The following RRM1 variants were observed in gnomAD, a reference collection of about 807,000 sequenced individuals.
RRM1 encodes ribonucleotide reductase catalytic subunit M1.
Under a neutral mutation model 101.5 loss-of-function variants are expected in RRM1, and 19 were observed. The observed-to-expected ratio is 0.19, with a 90% CI of 0.13 to 0.27. The LOEUF is 0.27. Ranked by LOEUF, RRM1 falls within the 10% of genes least tolerant of loss-of-function variation. RRM1 has a pLI of 1.00. For synonymous variants in RRM1, 298 were observed against 323.4 expected, an observed-to-expected ratio of 0.92 and a Z score of 0.84; for missense variants, 500 against 962.9, an observed-to-expected ratio of 0.52 and a Z score of 6.36.
intron 2 of RRM1, 84 bp downstream of exon 2, chr11:4,102,165 C>T: frequency 1.3e-6 from 1 of 740,862 alleles, no homozygotes; most frequent in African/African-American, 1.8e-5. Flanking sequence ...CTTCATTCAC[C>T]TGATATACTT....
intron 12 of RRM1, among the ~76,000 whole-genome samples, chr11:4,123,951 A>G (rs968704569): frequency 6.6e-6 from 1 of 152,222 alleles, no homozygotes; most frequent in Admixed American, 6.5e-5. Context: ...TAGAAATGGG[A>G]CATGGATTTG....
intron 11 of RRM1, 33 bp downstream of exon 11, chr11:4,122,253 T>C (rs1565186270): frequency 7.0e-7 from 1 of 1,435,572 alleles, no homozygotes; most frequent in Non-Finnish European, 9.8e-7. Flanking sequence ...AACAATAATG[T>C]TTTAATCATG....
chr11:4,096,085 G>T (rs1403748063), intron 1 of RRM1, among the ~76,000 whole-genome samples: 1 of 152,162 alleles, frequency 6.6e-6, no homozygotes, highest in Non-Finnish European at 1.5e-5. Context: ...GAATGCAGTG[G>T]TGTAATCATA....
At chr11:4,105,772 C>T in intron 2 of RRM1, 1 of 406,830 alleles carries the variant, frequency 2.5e-6, no homozygotes, top group Non-Finnish European at 4.5e-6. Flanking sequence ...CCTAGCTTGC[C>T]CAGGCTGGTC....
Position 4,122,133 on chromosome 11 carries a change from C to A in RRM1, c.1039-8C>A. 1 of 1,606,848 alleles carries A rather than the reference C, an allele frequency of 6.2e-7. No homozygotes were observed. The highest frequency in any genetic ancestry group is 8.5e-7 in the Non-Finnish European group (1 of 1,176,266). On this transcript the variant is annotated splice_region_variant and splice_polypyrimidine_tract_variant and intron_variant, in intron 10 of 18. Transcript: ENST00000300738. ...TTCTTATGAGTGATTTTGTCCTTTCCTTTTTAGGACTGGTCTTTGATGTGT... is the reference window on the plus strand; with the variant it reads ...TTCTTATGAGTGATTTTGTCCTTTCATTTTTAGGACTGGTCTTTGATGTGT...
chr11:4,132,944 C>T lies in RRM1; in HGVS notation c.1905+523C>T, dbSNP rs150019213. On this transcript the variant is annotated intron_variant, in intron 16 of 18. Transcript: ENST00000300738. This position sits in a 1 kb window ranked among gnomAD's most constrained non-coding sequence, Gnocchi z 4.1. Reference sequence around the variant, plus strand: ...TCTTGAAGTAAAGTTCTGTAAAGTTCGAGAAGGATACGTTTCCAATTTTTT... The same window carrying T: ...TCTTGAAGTAAAGTTCTGTAAAGTTTGAGAAGGATACGTTTCCAATTTTTT... Among the ~76,000 whole-genome samples, 1,262 of 152,160 alleles carry T rather than the reference C, an allele frequency of 8.3e-3. 10 individuals are homozygous for T. Among genetic ancestry groups the T allele is most frequent in the Non-Finnish European group, 0.015 (990 of 67,986 alleles).
chr11:4,100,314 A>T (rs192761251), intron 1 of RRM1, among the ~76,000 whole-genome samples: 9 of 152,356 alleles, frequency 5.9e-5, no homozygotes, highest in African/African-American at 1.9e-4. Context: ...CATATTTAGC[A>T]TGTTTCTTAT....
chr11:4,138,875 G>A lies in RRM1; in HGVS notation c.*492G>A, dbSNP rs148224418. ...GAAATAAAGATAAACATTTCTAAGTGATTGTATGAGATTAATTTTGTCATT... is the reference window on the plus strand; with the variant it reads ...GAAATAAAGATAAACATTTCTAAGTAATTGTATGAGATTAATTTTGTCATT... On this transcript the variant is annotated 3_prime_UTR_variant, in exon 19 of 19. Transcript: ENST00000300738. The A allele has an allele frequency of 5.5e-6, 1 of 183,264 alleles. No homozygotes were observed. Among genetic ancestry groups the A allele is most frequent in the East Asian group, 9.0e-5 (1 of 11,134 alleles). The allele number at this position is 183,264 out of a possible 1,614,324, so 11.4% of individuals were successfully genotyped here.
At chr11:4,096,160 G>A (rs865958918) in intron 1 of RRM1, among the ~76,000 whole-genome samples, 9 of 152,080 alleles carry the variant, frequency 5.9e-5, no homozygotes, top group Admixed American at 1.3e-4. Context: ...CAAGTAGCTG[G>A]GACTATAGGC....
At chr11:4,128,951 T>C in intron 14 of RRM1, 123 bp from the exon 15 acceptor site, 1 of 543,168 alleles carries the variant, frequency 1.8e-6, no homozygotes, top group East Asian at 2.8e-5. Context: ...CTCATAGAGG[T>C]TGATTAGAAG....
chr11:4,133,664 G>A lies in RRM1; in HGVS notation c.2001+6G>A. ...CATGCAATGGCTCTATTCAGGTATA[G>A]AATGAAAATGAAGTGTGCTCTGCAG... On this transcript the variant is annotated splice_donor_region_variant and intron_variant, in intron 17 of 18. Coordinates refer to ENST00000300738, the MANE Select transcript of RRM1 (RefSeq NM_001033.5). 1 of 1,559,226 alleles carries A rather than the reference G, an allele frequency of 6.4e-7. No individual in the cohort carries two copies. Among genetic ancestry groups the A allele is most frequent in the Non-Finnish European group, 8.8e-7 (1 of 1,131,376 alleles).
intron 15 of RRM1, among the ~76,000 whole-genome samples, chr11:4,130,222 A>C (rs2094597660): frequency 6.6e-6 from 1 of 151,648 alleles, no homozygotes; most frequent in South Asian, 2.1e-4. Context: ...TAAAATAGAA[A>C]GTAAAAGCCC....
Position 4,098,132 on chromosome 11 carries a change from G to T in RRM1, c.19+3101G>T, listed in dbSNP as rs549185223. Among the ~76,000 whole-genome samples the T allele has an allele frequency of 9.9e-5, 15 of 152,202 alleles. No individual in the cohort carries two copies. In the South Asian group the frequency reaches 3.1e-3, roughly 32 times the overall value. On this transcript the variant is annotated intron_variant, in intron 1 of 18. Transcript: ENST00000300738. ...TCAAAACTTTGGATTGTAACTCACAGTAAAAAACAAAACATTTTACAGACA... is the reference window on the plus strand; with the variant it reads ...TCAAAACTTTGGATTGTAACTCACATTAAAAAACAAAACATTTTACAGACA...
chr11:4,119,722 CAGGTA>C, intron 8 of RRM1, 118 bp from the exon 9 acceptor site: 2 of 686,974 alleles, frequency 2.9e-6, no homozygotes, highest in Non-Finnish European at 5.2e-6. Flanking sequence ...AGATGGAGAG[CAGGTA>C]AAACTTCATA....
At position 4,138,141 on chromosome 11, in the gene RRM1, T is replaced by C. The variant is rs564635581; in HGVS notation, c.2191-54T>C. On this transcript the variant is annotated intron_variant, in intron 18 of 18. Transcript: ENST00000300738. Reference sequence around the variant, plus strand: ...ATGTATTTTAAATATTGGTGTGGAATGTCTAGTATTCTCACAGAGTTTCTC... The same window carrying C: ...ATGTATTTTAAATATTGGTGTGGAACGTCTAGTATTCTCACAGAGTTTCTC... 63 of 984,068 alleles carry C rather than the reference T, an allele frequency of 6.4e-5. No individual in the cohort carries two copies. The Admixed American group carries it at 1.2e-3, about 18-fold the overall frequency. The allele number at this position is 984,068 out of a possible 1,614,324, so 61.0% of individuals were successfully genotyped here.
At chr11:4,102,119 C>A in intron 2 of RRM1, 38 bp downstream of exon 2, 1 of 1,014,440 alleles carries the variant, frequency 9.9e-7, no homozygotes, top group Non-Finnish European at 1.6e-6. Flanking sequence ...TTCCTTCTTT[C>A]ATGTGTTTCT....
At position 4,094,927 on chromosome 11, in the gene RRM1, C is replaced by A; in HGVS notation, c.-86C>A. The stretch of plus-strand genomic sequence containing the variant: ...GAGCAGCGCCTGGAACCTAACCCTT[C>A]CCACTCTGTCACCTTCTCGATCCCG... On this transcript the variant is annotated 5_prime_UTR_variant, in exon 1 of 19. Coordinates refer to ENST00000300738, the MANE Select transcript of RRM1 (RefSeq NM_001033.5). 1 of 1,423,408 alleles carries A rather than the reference C, an allele frequency of 7.0e-7. No homozygotes were observed. The highest frequency in any genetic ancestry group is 9.7e-7 in the Non-Finnish European group (1 of 1,030,302). The allele number at this position is 1,423,408 out of a possible 1,614,324, so 88.2% of individuals were successfully genotyped here.
chr11:4,119,255 G>A (rs2094578135), intron 8 of RRM1: 2 of 156,310 alleles, frequency 1.3e-5, no homozygotes, highest in African/African-American at 4.8e-5. Context: ...GGTAGAGTGA[G>A]CTATTGCTCA....
intron 7 of RRM1, among the ~76,000 whole-genome samples, chr11:4,112,659 T>C (rs554235547): frequency 1.3e-5 from 2 of 152,310 alleles, no homozygotes; most frequent in Admixed American, 6.5e-5. Flanking sequence ...CCACCACGCT[T>C]GGTGTGAATT....
Sources: gnomAD v4.1 joint callset for allele counts (sites outside exome capture counted in the v4.1 genomes callset) on GRCh38, gnomAD v4.1.1 for gene constraint, Gnocchi (gnomAD v3.1) non-coding constraint, MANE v1.5 for transcripts, NCBI Gene and HGNC (gene_info 2026-07-23, HGNC 2026-07-21) for gene names.